Variants in CCDC171 observed in about 807,000 individuals in gnomAD.
CCDC171 encodes coiled-coil domain-containing protein 171.
CCDC171 carries 177 observed loss-of-function variants against 168.2 expected under a neutral mutation model. The ratio of observed to expected loss-of-function variants is 1.05; its 90% CI spans 0.93 to 1.19. The LOEUF (loss-of-function observed/expected upper bound fraction) is 1.19. CCDC171 is among the 50% of genes most tolerant of loss of function. CCDC171 has a pLI of 0.00. For missense variants in CCDC171, 1,991 were observed against 1,539.0 expected (o/e 1.29, Z -4.91); for synonymous variants, 687 against 540.8 (o/e 1.27, Z -3.75).
At chr9:15,665,471 A>T (rs932605962) in intron 8 of CCDC171, among the ~76,000 whole-genome samples, 5 of 152,244 alleles carry the variant, frequency 3.3e-5, no homozygotes, top group African/African-American at 1.2e-4. Flanking sequence ...AGAGAGGAAG[A>T]ATACTTCCCT....
chr9:15,572,978 G>A (rs529071592), intron 3 of CCDC171, among the ~76,000 whole-genome samples: 2 of 152,258 alleles, frequency 1.3e-5, no homozygotes, highest in East Asian at 1.9e-4. Context: ...GGCCAACATG[G>A]TGAAACCCCA....
rs78747395 is a variant in CCDC171 at position 15,661,997 on chromosome 9, C to T, written c.916-4166C>T. On this transcript the variant is annotated intron_variant, in intron 8 of 25. Transcript: ENST00000380701. ...TTAGTATAAGAATAAACGTTTCATGCCAGGTGCAGTGGCTCACACCTGTTA... is the reference window on the plus strand; with the variant it reads ...TTAGTATAAGAATAAACGTTTCATGTCAGGTGCAGTGGCTCACACCTGTTA... Among the ~76,000 whole-genome samples, 4 of 152,196 alleles carry T rather than the reference C, an allele frequency of 2.6e-5. No individual in the cohort carries two copies. The East Asian group carries it at 7.7e-4, about 29-fold the overall frequency.
chr9:15,583,602 A>T (rs566783399), intron 4 of CCDC171, among the ~76,000 whole-genome samples: 3 of 152,086 alleles, frequency 2.0e-5, no homozygotes, highest in Non-Finnish European at 4.4e-5. Flanking sequence ...CATAAGAATG[A>T]TATAATGGAC....
chr9:15,926,915 A>T (rs1259944046), intron 25 of CCDC171, among the ~76,000 whole-genome samples: 1 of 151,700 alleles, frequency 6.6e-6, no homozygotes, highest in Admixed American at 6.6e-5. Context: ...TGCTTTTACC[A>T]TATAATAAGT....
intron 2 of CCDC171, among the ~76,000 whole-genome samples, chr9:15,564,527 A>G (rs1341633516): frequency 1.3e-5 from 2 of 152,182 alleles, no homozygotes; most frequent in Non-Finnish European, 2.9e-5. Flanking sequence ...CTGCTTAAGC[A>G]TTCATTTAGT....
intron 24 of CCDC171, among the ~76,000 whole-genome samples, chr9:15,890,321 A>G (rs1431836908): frequency 6.6e-6 from 1 of 152,196 alleles, no homozygotes; most frequent in Non-Finnish European, 1.5e-5. Context: ...CTGGGTGATT[A>G]GGAGAGGCTT....
chr9:15,983,433 G>T (rs1355165855), intron 3 of CCDC171, among the ~76,000 whole-genome samples: 1 of 151,508 alleles, frequency 6.6e-6, no homozygotes, highest in African/African-American at 2.4e-5. Flanking sequence ...GTAATATGCA[G>T]TATTTCCCAT....
the CCDC171 span, among the ~76,000 whole-genome samples, chr9:16,108,663 A>T: frequency 6.6e-6 from 1 of 152,222 alleles, no homozygotes; most frequent in Non-Finnish European, 1.5e-5. Context: ...ATAAACCTCC[A>T]TTCCACAAAG....
rs147007352 is a variant in CCDC171, at chr9:15,581,954, T to A, written c.352+2931T>A. On this transcript the variant is annotated intron_variant, in intron 4 of 25. Transcript: ENST00000380701. ...ATGGGATCTAATTAAACTAAAGAGC[T>A]TCTGCACAGCAAAAGAAACTATCAT... is the stretch of plus-strand genomic sequence containing the variant. Among the ~76,000 whole-genome samples, 88 of 152,234 alleles carry A rather than the reference T, an allele frequency of 5.8e-4. No homozygotes were observed. The East Asian group carries it at 0.016, about 28-fold the overall frequency.
At chr9:15,773,799 T>C (rs1206262941) in intron 18 of CCDC171, among the ~76,000 whole-genome samples, 1 of 151,960 alleles carries the variant, frequency 6.6e-6, no homozygotes, top group African/African-American at 2.4e-5. Context: ...GGGGGCATAA[T>C]TAAACTAAAA....
chr9:15,921,305 TA>T (rs1362259021), intron 25 of CCDC171, among the ~76,000 whole-genome samples: 1 of 151,676 alleles, frequency 6.6e-6, no homozygotes, highest in Admixed American at 6.6e-5. Context: ...AGCGTCCAAA[TA>T]AATCCTTTGT....
intron 24 of CCDC171, among the ~76,000 whole-genome samples, chr9:15,878,763 G>A (rs1177013999): frequency 1.3e-5 from 2 of 152,160 alleles, no homozygotes; most frequent in African/African-American, 4.8e-5. Context: ...TAAAGAAAAT[G>A]TGGTACATAT....
intron 4 of CCDC171, chr9:15,588,406 C>G (rs1008914178): frequency 1.8e-4 from 51 of 283,018 alleles, no homozygotes; most frequent in African/African-American, 1.1e-3. Context: ...AGCCAAGCTA[C>G]AGAGAAGATC....
chr9:16,102,052 A>G, the CCDC171 span, among the ~76,000 whole-genome samples: 1 of 152,190 alleles, frequency 6.6e-6, no homozygotes, highest in Non-Finnish European at 1.5e-5. Context: ...CAAAACACCT[A>G]TTAAATCTGG....
chr9:16,058,764 T>G (rs570256396), intron 1 of CCDC171, among the ~76,000 whole-genome samples: 1 of 152,298 alleles, frequency 6.6e-6, no homozygotes, highest in East Asian at 1.9e-4. Flanking sequence ...AGAATAGAAT[T>G]CTAATTGTCT....
chr9:15,639,449 C>T (rs911410811), intron 7 of CCDC171, among the ~76,000 whole-genome samples: 5 of 152,000 alleles, frequency 3.3e-5, no homozygotes, highest in South Asian at 2.1e-4. Flanking sequence ...TCAGAATTTG[C>T]GACCACAAAT....
downstream of CCDC171, among the ~76,000 whole-genome samples, chr9:16,064,835 A>G (rs1810760990): frequency 6.6e-6 from 1 of 152,212 alleles, no homozygotes; most frequent in African/African-American, 2.4e-5. Flanking sequence ...GGCTGGGTCT[A>G]AGGTATTTGA....
chr9:15,757,346 C>A lies in CCDC171; in HGVS notation c.2671+11715C>A, dbSNP rs114853764. On this transcript the variant is annotated intron_variant, in intron 18 of 25. Transcript: ENST00000380701. ...AGAGGTGACTCTTGTTATGTTTTAG[C>A]AAATAGACTGGCGGTGTTTTGCCCC... Among the ~76,000 whole-genome samples the A allele has an allele frequency of 3.8e-3, 571 of 152,242 alleles. 6 individuals are homozygous for A. Among genetic ancestry groups the A allele is most frequent in the African/African-American group, 0.013 (551 of 41,536 alleles).
chr9:15,698,828 T>C (rs7033524), intron 11 of CCDC171, among the ~76,000 whole-genome samples: 19 of 152,300 alleles, frequency 1.2e-4, no homozygotes, highest in African/African-American at 4.1e-4. Context: ...GCTAGGACTT[T>C]AGGTATGGTA....
Sources: allele counts gnomAD v4.1 joint callset (sites outside exome capture counted in the v4.1 genomes callset), GRCh38; gene constraint gnomAD v4.1.1; transcripts MANE v1.5; gene names NCBI Gene and HGNC (gene_info 2026-07-23, HGNC 2026-07-21).